Variants in GRID1 observed in about 807,000 individuals in gnomAD.
GRID1 encodes glutamate receptor ionotropic, delta-1.
GRID1 carries 28 observed loss-of-function variants against 98.0 expected under a neutral mutation model. That is an observed-to-expected ratio of 0.29 (90% confidence interval 0.21 to 0.39). GRID1 has a LOEUF of 0.39. Ranked by LOEUF, GRID1 falls within the 10% of genes least tolerant of loss-of-function variation. GRID1 has a pLI of 1.00. For synonymous variants in GRID1, 553 were observed against 538.5 expected, an observed-to-expected ratio of 1.03 and a Z score of -0.37; for missense variants, 1,111 against 1,340.5, an observed-to-expected ratio of 0.83 and a Z score of 2.67.
chr10:86,328,042 T>G lies in GRID1; in HGVS notation c.235+35899A>C, dbSNP rs539724120. Among the ~76,000 whole-genome samples the G allele has an allele frequency of 1.6e-3, 238 of 152,332 alleles. 1 individual carries two copies. The highest frequency in any genetic ancestry group is 2.5e-3 in the Non-Finnish European group (171 of 68,030). Reference sequence around the variant, plus strand: ...ATCTGTTAAATATGTATTCACAGTTTCATGTATGTCATGAAACTCTGTTTG... The same window carrying G: ...ATCTGTTAAATATGTATTCACAGTTGCATGTATGTCATGAAACTCTGTTTG... On this transcript the variant is annotated intron_variant, in intron 2 of 15. Coordinates refer to ENST00000327946, the MANE Select transcript of GRID1 (RefSeq NM_017551.3).
At chr10:86,223,889 C>A (rs941029324) in intron 2 of GRID1, among the ~76,000 whole-genome samples, 1 of 152,164 alleles carries the variant, frequency 6.6e-6, no homozygotes, top group African/African-American at 2.4e-5. Flanking sequence ...GACCAAGGAC[C>A]AGCAGGTGAT....
chr10:85,754,189 G>A (rs1842074416), intron 8 of GRID1, among the ~76,000 whole-genome samples: 1 of 152,060 alleles, frequency 6.6e-6, no homozygotes, highest in African/African-American at 2.4e-5. Flanking sequence ...TGGGGGGAGG[G>A]GACTCACTTC....
chr10:85,840,632 A>C (rs576188099), intron 8 of GRID1, among the ~76,000 whole-genome samples: 109 of 152,342 alleles, frequency 7.2e-4, no homozygotes, highest in Admixed American at 1.9e-3. Flanking sequence ...AAAGAACTTC[A>C]GCAAAGTCTT....
At chr10:86,288,509 G>A (rs1847467367) in intron 2 of GRID1, among the ~76,000 whole-genome samples, 1 of 152,170 alleles carries the variant, frequency 6.6e-6, no homozygotes, top group Non-Finnish European at 1.5e-5. Flanking sequence ...CAGCAACTTG[G>A]TCTTCAGTTG....
intron 12 of GRID1, among the ~76,000 whole-genome samples, chr10:85,667,305 T>TCA (rs149877829): frequency 0.23 from 33,062 of 145,900 alleles, 3,713 homozygotes; most frequent in Middle Eastern, 0.31. Context: ...CTTTCTAAAA[T>TCA]CACACACACA....
intron 3 of GRID1, among the ~76,000 whole-genome samples, chr10:86,155,896 A>G (rs1845237604): frequency 6.6e-6 from 1 of 152,076 alleles, no homozygotes; most frequent in African/African-American, 2.4e-5. Context: ...AGGCAGGGAA[A>G]CCTCTGAGCA....
Position 86,088,351 on chromosome 10 carries a change from A to C in GRID1, c.726+50468T>G, listed in dbSNP as rs181469378. ...GATCACATCTGTTAATTCAGAACTA[A>C]ATAAATATCCCCCACTTGAGATTCC... On this transcript the variant is annotated intron_variant, in intron 4 of 15. Coordinates refer to ENST00000327946, the MANE Select transcript of GRID1 (RefSeq NM_017551.3). Among the ~76,000 whole-genome samples, 9 of 152,330 alleles carry C rather than the reference A, an allele frequency of 5.9e-5. No homozygotes were observed. In the East Asian group the frequency reaches 1.7e-3, roughly 29 times the overall value.
Position 85,878,716 on chromosome 10 carries a change from C to T in GRID1, c.781-9536G>A, listed in dbSNP as rs1042316591. On this transcript the variant is annotated intron_variant, in intron 5 of 15. Coordinates refer to ENST00000327946, the MANE Select transcript of GRID1 (RefSeq NM_017551.3). Reference sequence around the variant, plus strand: ...GCTAGGAATAAACTGCATCAACTAACGAGCAAAATAACCAGCTAACATCAT... The same window carrying T: ...GCTAGGAATAAACTGCATCAACTAATGAGCAAAATAACCAGCTAACATCAT... Among the ~76,000 whole-genome samples the T allele has an allele frequency of 3.0e-3, 463 of 152,160 alleles. 9 individuals carry two copies. The highest frequency in any genetic ancestry group is 0.026 in the Admixed American group (396 of 15,268).
intron 4 of GRID1, among the ~76,000 whole-genome samples, chr10:86,095,266 T>C (rs1196755986): frequency 6.6e-6 from 1 of 152,116 alleles, no homozygotes; most frequent in African/African-American, 2.4e-5. Context: ...AAGATAACAT[T>C]GGAAAAACTC....
chr10:85,856,341 T>C, intron 6 of GRID1, 151 bp from the exon 7 acceptor site: 1 of 681,566 alleles, frequency 1.5e-6, no homozygotes, highest in Admixed American at 2.8e-5. Flanking sequence ...TAGGTGTACT[T>C]TCAAAAACCC....
intron 4 of GRID1, among the ~76,000 whole-genome samples, chr10:85,975,902 G>T (rs1439432875): frequency 2.0e-5 from 3 of 152,126 alleles, no homozygotes; most frequent in Non-Finnish European, 2.9e-5. Flanking sequence ...TATTTATGTG[G>T]TTTTTCCTTA....
rs553304288 is a variant in GRID1, at chr10:85,672,866, C to T, written c.1998-25469G>A. Among the ~76,000 whole-genome samples the T allele has an allele frequency of 9.3e-4, 142 of 152,186 alleles. 1 individual carries two copies. Among genetic ancestry groups the T allele is most frequent in the Non-Finnish European group, 2.6e-4 (18 of 68,034 alleles). ...CCCATGGATCAAGGTATAATTTTGA[C>T]TTTCAAGTTTTATCATTTAAGAAAT... On this transcript the variant is annotated intron_variant, in intron 12 of 15. Transcript: ENST00000327946.
At chr10:85,942,441 C>T (rs1842007253) in intron 4 of GRID1, among the ~76,000 whole-genome samples, 1 of 152,152 alleles carries the variant, frequency 6.6e-6, no homozygotes, top group Non-Finnish European at 1.5e-5. Context: ...CCTTCCTTCC[C>T]CACACTAGGG....
chr10:85,819,289 G>A lies in GRID1; in HGVS notation c.1233+35207C>T, dbSNP rs117310819. ...AAAGGAGAAATAAGATATTTGCACC[G>A]TTTCAAAGCATATTCCCCCAGAAGT... On this transcript the variant is annotated intron_variant, in intron 8 of 15. Transcript: ENST00000327946. 4.2e-3 allele frequency among the ~76,000 whole-genome samples: 633 copies of A among 152,234 alleles called. 4 individuals carry two copies. Among genetic ancestry groups the A allele is most frequent in the Middle Eastern group, 6.8e-3 (2 of 294 alleles).
At chr10:86,128,804 T>C (rs2085229381) in intron 4 of GRID1, among the ~76,000 whole-genome samples, 1 of 152,188 alleles carries the variant, frequency 6.6e-6, no homozygotes, top group African/African-American at 2.4e-5. Flanking sequence ...TTACATTTTC[T>C]GAGACTCATC....
At chr10:85,852,346 G>A (rs1843067414) in intron 8 of GRID1, among the ~76,000 whole-genome samples, 1 of 152,226 alleles carries the variant, frequency 6.6e-6, no homozygotes, top group South Asian at 2.1e-4. Flanking sequence ...TGGCTTCAGG[G>A]TTTTTGAGGC....
At chr10:86,163,821 G>C (rs1398424766) in intron 3 of GRID1, among the ~76,000 whole-genome samples, 1 of 152,228 alleles carries the variant, frequency 6.6e-6, no homozygotes, top group African/African-American at 2.4e-5. Flanking sequence ...TTCTAGAGAA[G>C]TATGATTATC....
At chr10:85,634,249 C>CCTCTCTCT (rs775506130) in intron 13 of GRID1, among the ~76,000 whole-genome samples, 3,287 of 91,480 alleles carry the variant, frequency 0.036, 128 homozygotes, top group African/African-American at 0.056. Context: ...TGATGGGGCA[C>CCTCTCTCT]CTCTCTCTCT....
At chr10:86,144,190 T>C (rs1428416493) in intron 3 of GRID1, among the ~76,000 whole-genome samples, 2 of 151,820 alleles carry the variant, frequency 1.3e-5, no homozygotes, top group East Asian at 1.9e-4. Flanking sequence ...TTTCCAACAG[T>C]GAGAAGAGCC....
Sources: gnomAD v4.1 joint callset for allele counts (sites outside exome capture counted in the v4.1 genomes callset) on GRCh38, gnomAD v4.1.1 for gene constraint, MANE v1.5 for transcripts, NCBI Gene and HGNC (gene_info 2026-07-23, HGNC 2026-07-21) for gene names.